The following DNAI1 variants were observed in gnomAD, a reference collection of about 807,000 sequenced individuals.
DNAI1 encodes dynein axonemal intermediate chain 1.
DNAI1 carries 67 observed loss-of-function variants against 92.0 expected under a neutral mutation model. The observed-to-expected ratio is 0.73, with a 90% CI of 0.60 to 0.89. The LOEUF (loss-of-function observed/expected upper bound fraction) is 0.89. Among genes scored for constraint, DNAI1 ranks in the 40% least tolerant of loss-of-function variants. The pLI, the probability that DNAI1 is intolerant of heterozygous loss-of-function variation, is 0.00. For missense variants in DNAI1, 839 were observed against 866.6 expected, an observed-to-expected ratio of 0.97 and a Z score of 0.40; for synonymous variants, 323 against 319.6, an observed-to-expected ratio of 1.01 and a Z score of -0.11.
At chr9:34,519,797 C>G (rs1825233758) in intron 19 of DNAI1, among the ~76,000 whole-genome samples, 1 of 152,148 alleles carries the variant, frequency 6.6e-6, no homozygotes, top group Non-Finnish European at 1.5e-5. Context: ...GATGGGGGCC[C>G]AGGAGCACAG....
Position 34,520,768 on chromosome 9 carries a change from C to CA in DNAI1, c.*13dup, listed in dbSNP as rs1231791530. ...AAATCAAGACCTGAGGGGCTGGCCT[C>CA]AGTCTCTGTCCCATCGCTTGAATAC... On this transcript the variant is annotated 3_prime_UTR_variant, in exon 20 of 20. Coordinates refer to ENST00000242317, the MANE Select transcript of DNAI1 (RefSeq NM_012144.4). 2 of 1,551,514 alleles carry CA rather than the reference C, an allele frequency of 1.3e-6. No homozygotes were observed. Among genetic ancestry groups the CA allele is most frequent in the African/African-American group, 1.4e-5 (1 of 73,140 alleles).
At chr9:34,509,921 A>G (rs1004266371) in intron 13 of DNAI1, among the ~76,000 whole-genome samples, 11 of 152,126 alleles carry the variant, frequency 7.2e-5, no homozygotes, top group African/African-American at 2.4e-4. Flanking sequence ...AAAAAGAAAA[A>G]AAAGAAAAAC....
chr9:34,477,084 T>C (rs1824251468), intron 1 of DNAI1, among the ~76,000 whole-genome samples: 1 of 152,102 alleles, frequency 6.6e-6, no homozygotes, highest in Admixed American at 6.6e-5. Context: ...GGCACAATCA[T>C]AGCGCACTGC....
intron 12 of DNAI1, among the ~76,000 whole-genome samples, chr9:34,504,488 C>A (rs1824887649): frequency 6.6e-6 from 1 of 152,208 alleles, no homozygotes; most frequent in Admixed American, 6.5e-5. Context: ...TAAATACAGT[C>A]CTTAAAGGCC....
At position 34,512,141 on chromosome 9, in the gene DNAI1, CCTTAA is replaced by C. The variant is rs867262419; in HGVS notation, c.1348_1352del (p.Asn450LeufsTer6). 1 of 1,614,150 alleles carries C rather than the reference CCTTAA, an allele frequency of 6.2e-7. No homozygotes were observed. The highest frequency in any genetic ancestry group is 1.1e-5 in the South Asian group (1 of 91,078). The stretch of plus-strand genomic sequence containing the variant: ...GGCAGAAGGATGACATGGACCAAAA[CCTTAA>C]CTTCTTCTCTGTGTCATCTGACGGC... On this transcript the variant is annotated frameshift_variant, in exon 14 of 20. Transcript: ENST00000242317. LOFTEE classifies it high-confidence loss of function.
intron 1 of DNAI1, among the ~76,000 whole-genome samples, chr9:34,476,910 T>A (rs1824247089): frequency 6.6e-6 from 1 of 152,208 alleles, no homozygotes; most frequent in South Asian, 2.1e-4. Context: ...TGTACGTGAC[T>A]GAATGTGGCT....
chr9:34,489,915 C>T (rs1249345556), intron 5 of DNAI1, 97 bp from the exon 6 acceptor site: 2 of 1,551,004 alleles, frequency 1.3e-6, no homozygotes, highest in Non-Finnish European at 1.7e-6. Flanking sequence ...GACACTCAGG[C>T]CAAGGAAAAC....
chr9:34,477,517 T>C lies in DNAI1; in HGVS notation c.49-5931T>C, dbSNP rs186549655. On this transcript the variant is annotated intron_variant, in intron 1 of 19. Transcript: ENST00000242317. ...TTCTCAGTAGCAGTAATTATAATGA[T>C]ATAATCATTAGAGTAGAGAGAAACT... 1.1e-4 allele frequency among the ~76,000 whole-genome samples: 17 copies of C among 152,276 alleles called. No homozygotes were observed. The East Asian group carries it at 3.3e-3, about 29-fold the overall frequency.
At chr9:34,477,241 A>G (rs1412003588) in intron 1 of DNAI1, among the ~76,000 whole-genome samples, 1 of 151,668 alleles carries the variant, frequency 6.6e-6, no homozygotes, top group Non-Finnish European at 1.5e-5. Flanking sequence ...CTGGTCTTGA[A>G]CTCTTGGAGG....
intron 7 of DNAI1, 59 bp from the exon 8 acceptor site, chr9:34,491,436 G>T: frequency 6.3e-7 from 1 of 1,580,006 alleles, no homozygotes; most frequent in Non-Finnish European, 8.7e-7. Flanking sequence ...ATATACTGTT[G>T]GATTAAGTGA....
intron 10 of DNAI1, 119 bp downstream of exon 10, chr9:34,497,318 T>C (rs776479249): frequency 2.5e-5 from 19 of 772,606 alleles, no homozygotes; most frequent in Non-Finnish European, 3.7e-5. Context: ...GAAAAAATAA[T>C]CCCTCTGTCC....
intron 5 of DNAI1, 78 bp downstream of exon 5, chr9:34,489,527 T>A: frequency 6.4e-7 from 1 of 1,556,796 alleles, no homozygotes; most frequent in Non-Finnish European, 8.8e-7. Flanking sequence ...AGTATACCTC[T>A]AAGCCAGAAC....
In DNAI1 at chr9:34,506,861, AC is replaced by A; in HGVS notation, c.1301del (p.Pro434LeufsTer33). On this transcript the variant is annotated frameshift_variant, in exon 13 of 20. Transcript: ENST00000242317. LOFTEE classifies it high-confidence loss of function. ...TCAGCCAAGTCTGGCAAGCACTCAG[AC>A]CCTGTGTGGCAGGTCAGCAACCAGG... ...CSSAKSGKHS[D>X]PVWQVKWQKD... 1 of 1,613,832 alleles carries A rather than the reference AC, an allele frequency of 6.2e-7. No individual in the cohort carries two copies. Among genetic ancestry groups the A allele is most frequent in the Non-Finnish European group, 8.5e-7 (1 of 1,179,966 alleles).
chr9:34,519,960 T>C (rs796863346), intron 19 of DNAI1, among the ~76,000 whole-genome samples: 1 of 152,202 alleles, frequency 6.6e-6, no homozygotes, highest in African/African-American at 2.4e-5. Flanking sequence ...GTCCAACTTA[T>C]AATGGAAGGA....
rs770343908 is a variant in DNAI1 at position 34,463,333 on chromosome 9, CA to C, written c.48+4283del. On this transcript the variant is annotated intron_variant, in intron 1 of 19. Coordinates refer to ENST00000242317, the MANE Select transcript of DNAI1 (RefSeq NM_012144.4). ...CCTTCCCCTACCCTATAGAGTTAAT[CA>C]AATAACCCATGGCATATTAAATTGG... Among the ~76,000 whole-genome samples the C allele has an allele frequency of 3.8e-4, 58 of 152,270 alleles. 1 individual carries two copies. Among genetic ancestry groups the C allele is most frequent in the Middle Eastern group, 3.4e-3 (1 of 294 alleles).
intron 9 of DNAI1, among the ~76,000 whole-genome samples, chr9:34,495,226 A>C (rs1207997353): frequency 6.6e-6 from 1 of 152,190 alleles, no homozygotes; most frequent in Non-Finnish European, 1.5e-5. Context: ...TGGCTGCTCC[A>C]GTAGCATAGT....
intron 9 of DNAI1, among the ~76,000 whole-genome samples, chr9:34,494,786 A>G (rs1030555984): frequency 6.6e-6 from 1 of 152,200 alleles, no homozygotes; most frequent in Non-Finnish European, 1.5e-5. Context: ...CTCTGGACCA[A>G]GAGTCCACAT....
rs535760702 is a variant in DNAI1, at chr9:34,520,704, C to T, written c.2048C>T (p.Ala683Val). 2.9e-5 allele frequency: 45 copies of T among 1,551,488 alleles called. No individual in the cohort carries two copies. The highest frequency in any genetic ancestry group is 1.7e-4 in the Middle Eastern group (1 of 6,000). ...EVQKGPAVEI[A>V]KLDKLLNLVR... Reference sequence around the variant, plus strand: ...CAGAAGGGTCCAGCTGTGGAGATTGCGAAACTGGACAAACTGCTGAACCTG... The same window carrying T: ...CAGAAGGGTCCAGCTGTGGAGATTGTGAAACTGGACAAACTGCTGAACCTG... Residue 683 changes from alanine (A) to valine (V), a missense_variant, in exon 20 of 20, where the codon GCG (alanine) becomes GTG (valine). Ala to Val is a moderately conservative substitution (Grantham distance 64). Transcript: ENST00000242317.
chr9:34,477,406 GATAGTTC>G (rs1824259404), intron 1 of DNAI1, among the ~76,000 whole-genome samples: 1 of 152,134 alleles, frequency 6.6e-6, no homozygotes, highest in Non-Finnish European at 1.5e-5. Flanking sequence ...TAGGAATAAT[GATAGTTC>G]ATACTCCATA....
Sources: allele counts gnomAD v4.1 joint callset (sites outside exome capture counted in the v4.1 genomes callset), GRCh38; gene constraint gnomAD v4.1.1; transcripts MANE v1.5; gene names NCBI Gene and HGNC (gene_info 2026-07-23, HGNC 2026-07-21).